VCF2: variants seen among roughly 807,000 people sequenced by gnomAD.
VCF2 encodes the protein protein VCF2.
chrX:55,149,232 T>C, the VCF2 span, among the ~76,000 whole-genome samples: 2 of 109,475 alleles, frequency 1.8e-5, no homozygotes, highest in Non-Finnish European at 1.9e-5. Context: ...TTACATTTTA[T>C]CAAAATAACT....
chrX:55,161,168 C>G, the VCF2 span: 28 of 1,203,729 alleles, frequency 2.3e-5, no homozygotes, highest in Non-Finnish European at 3.0e-5. Flanking sequence ...GTCCTGCCCT[C>G]GGAACCATAG....
the VCF2 span, among the ~76,000 whole-genome samples, chrX:55,158,790 C>T: frequency 4.5e-5 from 5 of 111,796 alleles, no homozygotes; most frequent in Non-Finnish European, 9.4e-5. Context: ...CAAGACTTGC[C>T]TTCCAGCTAA....
At chrX:55,149,605 G>A in the VCF2 span, among the ~76,000 whole-genome samples, 26 of 111,806 alleles carry the variant, frequency 2.3e-4, no homozygotes, top group African/African-American at 8.4e-4. Context: ...AATTAGTTCA[G>A]TTTCTCTATA....
the VCF2 span, among the ~76,000 whole-genome samples, chrX:55,149,044 A>T: frequency 1.8e-5 from 2 of 112,064 alleles, no homozygotes; most frequent in Non-Finnish European, 3.8e-5. Context: ...CATGAATCTG[A>T]AAATTTTCAT....
chrX:55,151,356 T>C, the VCF2 span, among the ~76,000 whole-genome samples: 1 of 112,363 alleles, frequency 8.9e-6, no homozygotes, highest in Non-Finnish European at 1.9e-5. Flanking sequence ...TGACCTGTGG[T>C]AAGTAAAGAA....
chrX:55,143,832 C>A, the VCF2 span: 1 of 1,207,456 alleles, frequency 8.3e-7, no homozygotes, highest in Non-Finnish European at 1.1e-6. Context: ...ATTTCAGGAC[C>A]AAAGGACATA....
chrX:55,161,077 G>A, the VCF2 span: 19 of 1,201,119 alleles, frequency 1.6e-5, no homozygotes, highest in Non-Finnish European at 2.0e-5. Context: ...AGCAAAGCGT[G>A]ATGACCGTGG....
chrX:55,146,405 G>A, the VCF2 span: 1 of 763,807 alleles, frequency 1.3e-6, no homozygotes, highest in Non-Finnish European at 2.0e-6. Flanking sequence ...ACTCTATAAT[G>A]GGCTTAATGG....
chrX:55,157,378 C>T, the VCF2 span, among the ~76,000 whole-genome samples: 3 of 111,498 alleles, frequency 2.7e-5, no homozygotes, highest in East Asian at 2.8e-4. Context: ...ACTAAAAATA[C>T]GAAAACTAGC....
chrX:55,145,481 T>G, the VCF2 span: 4 of 753,810 alleles, frequency 5.3e-6, no homozygotes, highest in Non-Finnish European at 6.3e-6. Flanking sequence ...AGAGAGATTT[T>G]CATGTTCATA....
chrX:55,146,648 A>C, the VCF2 span, among the ~76,000 whole-genome samples: 1 of 112,406 alleles, frequency 8.9e-6, no homozygotes, highest in Non-Finnish European at 1.9e-5. Flanking sequence ...TAACTGCATC[A>C]GAGAAGTAAG....
the VCF2 span, chrX:55,159,149 G>C: frequency 1.7e-6 from 2 of 1,204,416 alleles, no homozygotes; most frequent in South Asian, 3.6e-5. Flanking sequence ...TGAGAATCCT[G>C]AAAGATAGGG....
chrX:55,146,413 T>C, the VCF2 span: 1 of 728,184 alleles, frequency 1.4e-6, no homozygotes, highest in African/African-American at 2.1e-5. Context: ...ATGGGCTTAA[T>C]GGTTTTTACA....
the VCF2 span, chrX:55,160,858 C>A: frequency 2.6e-6 from 3 of 1,154,524 alleles, no homozygotes; most frequent in Non-Finnish European, 3.4e-6. Flanking sequence ...GCTTGTAAGG[C>A]ACTGACAACC....
the VCF2 span, among the ~76,000 whole-genome samples, chrX:55,155,901 A>T: frequency 9.2e-6 from 1 of 108,857 alleles, no homozygotes; most frequent in South Asian, 4.0e-4. Context: ...CTTTTTAATG[A>T]TAAAAGCAGA....
At chrX:55,144,996 C>G in the VCF2 span, among the ~76,000 whole-genome samples, 48 of 112,984 alleles carry the variant, frequency 4.2e-4, no homozygotes, top group Non-Finnish European at 8.4e-4. Context: ...ATTTGGTTGG[C>G]TCTTTAGTAT....
At chrX:55,160,808 T>C in the VCF2 span, 1 of 1,151,153 alleles carries the variant, frequency 8.7e-7, no homozygotes, top group African/African-American at 1.8e-5. Context: ...GACTGAGTTT[T>C]CGCGAGGGAC....
chrX:55,151,939 T>C, the VCF2 span, among the ~76,000 whole-genome samples: 1,927 of 89,397 alleles, frequency 0.022, 63 homozygotes, highest in African/African-American at 0.078. Flanking sequence ...TCGCCCAGGC[T>C]GGAGTGCAGT....
chrX:55,143,757 T>C, the VCF2 span: 1 of 1,090,448 alleles, frequency 9.2e-7, no homozygotes, highest in Admixed American at 2.2e-5. Context: ...ATACTTCTCC[T>C]TCATAGCGGA....
Sources: gnomAD v4.1 joint callset for allele counts (sites outside exome capture counted in the v4.1 genomes callset) on GRCh38, gnomAD v4.1.1 for gene constraint, MANE v1.5 for transcripts, NCBI Gene and HGNC (gene_info 2026-07-23, HGNC 2026-07-21) for gene names.